Variants in AKAP9 observed in about 807,000 individuals in gnomAD.
AKAP9 encodes A-kinase anchoring protein 9.
Under a neutral mutation model 488.5 loss-of-function variants are expected in AKAP9, and 311 were observed. The ratio of observed to expected loss-of-function variants is 0.64; its 90% CI spans 0.58 to 0.70. The LOEUF (loss-of-function observed/expected upper bound fraction) is 0.70. Ranked by LOEUF, AKAP9 falls within the 30% of genes least tolerant of loss-of-function variation. The pLI, the probability that AKAP9 is intolerant of heterozygous loss-of-function variation, is 0.00. For synonymous variants in AKAP9, 1,462 were observed against 1,483.5 expected, an observed-to-expected ratio of 0.99 and a Z score of 0.33; for missense variants, 4,215 against 4,374.5, an observed-to-expected ratio of 0.96 and a Z score of 1.03.
chr7:92,092,077 A>G (rs1372493924), intron 38 of AKAP9: 7 of 152,214 alleles, frequency 4.6e-5, no homozygotes, highest in Admixed American at 4.6e-4. Context: ...ATGACTACCT[A>G]ACACCTGGGT....
intron 28 of AKAP9, among the ~76,000 whole-genome samples, chr7:92,073,293 G>A (rs1055595362): frequency 6.7e-6 from 1 of 150,332 alleles, no homozygotes; most frequent in Non-Finnish European, 1.5e-5. Flanking sequence ...TCAGGAGAGC[G>A]AGACCATCCT....
At chr7:92,085,762 A>T in intron 36 of AKAP9, 76 bp downstream of exon 36, 1 of 1,130,004 alleles carries the variant, frequency 8.8e-7, no homozygotes, top group South Asian at 1.7e-5. Flanking sequence ...AAATTAAATT[A>T]TCTTTTATAC....
chr7:91,986,693 G>C (rs565150432), intron 3 of AKAP9, among the ~76,000 whole-genome samples: 3 of 152,086 alleles, frequency 2.0e-5, no homozygotes, highest in African/African-American at 7.2e-5. Flanking sequence ...TAAAAAACTG[G>C]TGGAGATTAT....
chr7:92,016,068 A>G, intron 10 of AKAP9, 61 bp from the exon 11 acceptor site: 3 of 1,415,224 alleles, frequency 2.1e-6, no homozygotes, highest in Non-Finnish European at 3.0e-6. Flanking sequence ...ATTATGTTTA[A>G]TCTTTAGAAG....
chr7:92,061,270 C>G lies in AKAP9; in HGVS notation c.5612C>G (p.Ala1871Gly), dbSNP rs748884520. Residue 1871 changes from alanine to glycine, a missense_variant, in exon 23 of 50, where the codon GCG (alanine) becomes GGG (glycine). Ala to Gly is a moderately conservative substitution (Grantham distance 60). Around this residue, in one of 5 missense-constraint regions of AKAP9, gnomAD observed 2,361 missense variants for 2,430.0 expected, o/e 0.97. Transcript: ENST00000356239. ...TCCCTCTTTGTTTAGCTTGAACATG[C>G]GAAAGTGACACAGACAGAGTTGATG... is the stretch of plus-strand genomic sequence containing the variant. ...ISETSSQLEHAKVTQTELMRE... is the reference protein window; with the variant it reads ...ISETSSQLEHGKVTQTELMRE... 2.5e-6 allele frequency: 4 copies of G among 1,611,488 alleles called. No homozygotes were observed. The Admixed American group carries it at 5.0e-5, about 20-fold the overall frequency.
intron 37 of AKAP9, among the ~76,000 whole-genome samples, chr7:92,088,699 C>T (rs543567521): frequency 6.5e-4 from 99 of 152,096 alleles, no homozygotes; most frequent in Middle Eastern, 3.4e-3. Flanking sequence ...GTGGTGGTTA[C>T]GTGAACCTAT....
chr7:92,005,150 G>T (rs1008188535), intron 8 of AKAP9, among the ~76,000 whole-genome samples: 1 of 152,182 alleles, frequency 6.6e-6, no homozygotes, highest in Non-Finnish European at 1.5e-5. Context: ...AACCAGCCTT[G>T]CATCCCAGGG....
intron 1 of AKAP9, 139 bp downstream of exon 1, chr7:91,941,286 A>C: frequency 4.0e-6 from 3 of 750,704 alleles, no homozygotes; most frequent in Non-Finnish European, 6.6e-6. Context: ...TAGGGTCTGC[A>C]TCTCTCCTCG....
chr7:92,013,441 A>T (rs568120206), intron 9 of AKAP9, among the ~76,000 whole-genome samples: 43 of 152,292 alleles, frequency 2.8e-4, no homozygotes, highest in Middle Eastern at 6.8e-3. Flanking sequence ...AAAAAGTTTT[A>T]TTCTGAAAGA....
Position 92,003,216 on chromosome 7 carries a change from A to G in AKAP9, c.3299A>G (p.Asn1100Ser), listed in dbSNP as rs201184315. The change falls in exon 8 of 50, where the codon AAT (asparagine) becomes AGT (serine). Residue 1100 changes from asparagine to serine, a missense_variant. By Grantham distance (46) the Asn-to-Ser change is conservative (BLOSUM62 1). Coordinates refer to ENST00000356239, the MANE Select transcript of AKAP9 (RefSeq NM_005751.5). ...AATGATAAACTTCAGAAAGAACTCA[A>G]TGTACTTAAATCAGAACAGGTATGT... Reference protein sequence around the residue: ...SENDKLQKELNVLKSEQNDLR... With the variant: ...SENDKLQKELSVLKSEQNDLR... 1.0e-4 allele frequency: 161 copies of G among 1,601,386 alleles called. No individual in the cohort carries two copies. Among genetic ancestry groups the G allele is most frequent in the Non-Finnish European group, 1.3e-4 (147 of 1,169,692 alleles).
intron 1 of AKAP9, among the ~76,000 whole-genome samples, chr7:91,967,817 A>G (rs1228810153): frequency 6.6e-6 from 1 of 152,194 alleles, no homozygotes; most frequent in Non-Finnish European, 1.5e-5. Flanking sequence ...GTTTCATAGA[A>G]TGAGTTTGGA....
intron 15 of AKAP9, among the ~76,000 whole-genome samples, chr7:92,030,266 G>T (rs145630545): frequency 1.3e-5 from 2 of 152,264 alleles, no homozygotes; most frequent in East Asian, 1.9e-4. Flanking sequence ...TAACATGTGG[G>T]CTATGTACAA....
At chr7:92,022,486 C>T in intron 13 of AKAP9, 134 bp downstream of exon 13, 1 of 686,556 alleles carries the variant, frequency 1.5e-6, no homozygotes, top group East Asian at 2.7e-5. Flanking sequence ...TCAATTTTTT[C>T]ATCCTTAAAA....
At chr7:91,952,233 A>G (rs1392967480) in intron 1 of AKAP9, among the ~76,000 whole-genome samples, 1 of 152,256 alleles carries the variant, frequency 6.6e-6, no homozygotes, top group Non-Finnish European at 1.5e-5. Flanking sequence ...CGATACAATA[A>G]GTTAAGTATT....
chr7:92,080,887 C>CCTTACGTACTCCTA (rs2130864811), intron 31 of AKAP9, among the ~76,000 whole-genome samples: 1 of 152,278 alleles, frequency 6.6e-6, no homozygotes, highest in East Asian at 1.9e-4. Context: ...GATACGTTTT[C>CCTTACGTACTCCTA]AGTTTGCTTA....
chr7:92,099,210 G>T lies in AKAP9; in HGVS notation c.10714-477G>T, dbSNP rs12668851. Reference sequence around the variant, plus strand: ...CTCTCCCACACACCCTTTACTTTCTGTCCCTTAGTCGTTGCCTCCATTCAG... The same window carrying T: ...CTCTCCCACACACCCTTTACTTTCTTTCCCTTAGTCGTTGCCTCCATTCAG... On this transcript the variant is annotated intron_variant, in intron 43 of 49. Transcript: ENST00000356239. Among the ~76,000 whole-genome samples the T allele has an allele frequency of 1.4e-3, 213 of 152,136 alleles. 3 individuals carry two copies. The East Asian group carries it at 0.037, about 27-fold the overall frequency.
chr7:92,035,408 A>G (rs958194373), intron 16 of AKAP9, among the ~76,000 whole-genome samples: 1 of 152,168 alleles, frequency 6.6e-6, no homozygotes, highest in African/African-American at 2.4e-5. Context: ...TGAAAAGAGT[A>G]TGTGTTTTGC....
chr7:91,962,736 A>G lies in AKAP9; in HGVS notation c.49-10975A>G, dbSNP rs902365906. ...TTAAAAGTGATTCGTTCTAAGCACT[A>G]TAATAGAAAAATTCCTATTTTGATT... On this transcript the variant is annotated intron_variant, in intron 1 of 49. Coordinates refer to ENST00000356239, the MANE Select transcript of AKAP9 (RefSeq NM_005751.5). Among the ~76,000 whole-genome samples, 5 of 152,194 alleles carry G rather than the reference A, an allele frequency of 3.3e-5. No homozygotes were observed. In the South Asian group the frequency reaches 6.2e-4, roughly 19 times the overall value.
At chr7:91,947,070 A>G (rs768981125) in intron 1 of AKAP9, among the ~76,000 whole-genome samples, 160 of 152,110 alleles carry the variant, frequency 1.1e-3, no homozygotes, top group Non-Finnish European at 2.1e-3. Context: ...CACTTTATGT[A>G]ATTGCTTAAC....
Sources: allele counts gnomAD v4.1 joint callset (sites outside exome capture counted in the v4.1 genomes callset), GRCh38; gene constraint gnomAD v4.1.1; regional missense constraint gnomAD v4.1.1; transcripts MANE v1.5; gene names NCBI Gene and HGNC (gene_info 2026-07-23, HGNC 2026-07-21).